Variants in RSRC1 observed in about 807,000 individuals in gnomAD.
RSRC1 encodes arginine and serine rich coiled-coil 1, also known as serine/Arginine-related protein 53.
A neutral mutation model predicts 49.1 loss-of-function variants in RSRC1; 39 were observed. That is an observed-to-expected ratio of 0.79 (90% CI 0.61 to 1.04). The LOEUF (loss-of-function observed/expected upper bound fraction) is 1.04. RSRC1 is among the 50% of genes least tolerant of loss of function. The probability of loss-of-function intolerance (pLI) is 0.00; values close to 1 mark genes in which losing one functional copy is unlikely to be tolerated. For missense variants in RSRC1, 388 were observed against 402.4 expected, an observed-to-expected ratio of 0.96 and a Z score of 0.31; for synonymous variants, 143 against 130.8, an observed-to-expected ratio of 1.09 and a Z score of -0.63.
chr3:158,315,591 T>C (rs1357319953), intron 5 of RSRC1, among the ~76,000 whole-genome samples: 1 of 152,146 alleles, frequency 6.6e-6, no homozygotes, highest in Admixed American at 6.5e-5. Flanking sequence ...TCTAGCTAGA[T>C]TTACAAATTA....
In RSRC1 at chr3:158,539,470, G is replaced by A. The variant is rs963356879; in HGVS notation, c.759+2272G>A. On this transcript the variant is annotated intron_variant, in intron 8 of 9. Coordinates refer to ENST00000611884, the MANE Select transcript of RSRC1 (RefSeq NM_001271838.2). The surrounding 1 kb of genome is among the most constrained non-coding windows in gnomAD (Gnocchi z 4.1). ...AAGATGCAGCTTGTTTTCAAACTTA[G>A]TATGAGTTATTCAACCCTAATGTTG... 1.3e-5 allele frequency among the ~76,000 whole-genome samples: 2 copies of A among 151,998 alleles called. No homozygotes were observed. The highest frequency in any genetic ancestry group is 4.8e-5 in the African/African-American group (2 of 41,402).
At chr3:158,118,413 CTGTG>C (rs57257889) in intron 1 of RSRC1, among the ~76,000 whole-genome samples, 3,654 of 90,000 alleles carry the variant, frequency 0.041, 75 homozygotes, top group South Asian at 0.082. Flanking sequence ...ACCTGGCCTT[CTGTG>C]TGTGTGTGTG....
At chr3:158,260,603 T>G (rs561632574) in intron 4 of RSRC1, among the ~76,000 whole-genome samples, 159 of 152,326 alleles carry the variant, frequency 1.0e-3, no homozygotes, top group Non-Finnish European at 1.8e-3. Flanking sequence ...TCAAGTACTC[T>G]GGCTCTGAGC....
chr3:158,512,541 G>A (rs996824740), intron 7 of RSRC1, among the ~76,000 whole-genome samples: 1 of 152,318 alleles, frequency 6.6e-6, no homozygotes, highest in South Asian at 2.1e-4. Flanking sequence ...TTTGAAGTCA[G>A]GTAGTGTGAT....
intron 4 of RSRC1, among the ~76,000 whole-genome samples, chr3:158,253,980 T>C (rs550639862): frequency 2.6e-5 from 4 of 152,294 alleles, no homozygotes; most frequent in Admixed American, 2.6e-4. Context: ...GTGTTCTCAT[T>C]GTTCAATTCC....
chr3:158,172,638 A>C (rs947017214), intron 3 of RSRC1, among the ~76,000 whole-genome samples: 1 of 152,182 alleles, frequency 6.6e-6, no homozygotes, highest in Non-Finnish European at 1.5e-5. Flanking sequence ...TTCACCAGGG[A>C]ATGTGAACCC....
chr3:158,418,646 A>G (rs868687507), intron 6 of RSRC1, among the ~76,000 whole-genome samples: 1 of 151,980 alleles, frequency 6.6e-6, no homozygotes, highest in South Asian at 2.1e-4. Context: ...AAGAAGGGAT[A>G]TACCGGAATT....
intron 6 of RSRC1, among the ~76,000 whole-genome samples, chr3:158,453,287 C>G (rs755579334): frequency 6.6e-6 from 1 of 151,722 alleles, no homozygotes; most frequent in Admixed American, 6.6e-5. Context: ...GCACACATAT[C>G]TATAGAATAG....
At chr3:158,530,240 T>C (rs913761866) in intron 7 of RSRC1, among the ~76,000 whole-genome samples, 16 of 152,074 alleles carry the variant, frequency 1.1e-4, no homozygotes, top group African/African-American at 3.4e-4. Flanking sequence ...TTGTTTATGC[T>C]GTGCTTCCTG....
chr3:158,137,377 G>A (rs980555342), intron 3 of RSRC1, among the ~76,000 whole-genome samples: 4 of 147,114 alleles, frequency 2.7e-5, no homozygotes, highest in South Asian at 4.3e-4. Context: ...AAGGTTTTAT[G>A]GAGATATATA....
chr3:158,286,952 G>C (rs920557195), intron 4 of RSRC1, among the ~76,000 whole-genome samples: 1 of 152,092 alleles, frequency 6.6e-6, no homozygotes, highest in Non-Finnish European at 1.5e-5. Flanking sequence ...TCAGCCTTCC[G>C]AGTATCTGGG....
chr3:158,496,282 A>G (rs1035235848), intron 7 of RSRC1, among the ~76,000 whole-genome samples: 17 of 152,122 alleles, frequency 1.1e-4, no homozygotes, highest in African/African-American at 4.1e-4. Flanking sequence ...AGGATAGACT[A>G]GTGGTTTTCA....
intron 6 of RSRC1, among the ~76,000 whole-genome samples, chr3:158,456,972 A>G (rs563002500): frequency 6.6e-6 from 1 of 152,298 alleles, no homozygotes; most frequent in South Asian, 2.1e-4. Flanking sequence ...GGCACCCTCA[A>G]GTATTTTTAG....
chr3:158,396,202 G>A (rs1009718812), intron 6 of RSRC1, among the ~76,000 whole-genome samples: 2 of 152,044 alleles, frequency 1.3e-5, no homozygotes, highest in Non-Finnish European at 2.9e-5. Context: ...GCAGAGGTTG[G>A]GAGGAAGGGA....
intron 7 of RSRC1, among the ~76,000 whole-genome samples, chr3:158,497,782 A>G (rs1031988880): frequency 6.6e-6 from 1 of 152,112 alleles, no homozygotes; most frequent in Non-Finnish European, 1.5e-5. Context: ...TAGCTCCCAC[A>G]TATCAGTGAG....
intron 6 of RSRC1, among the ~76,000 whole-genome samples, chr3:158,356,401 A>T (rs149583687): frequency 2.0e-5 from 3 of 152,106 alleles, no homozygotes; most frequent in Non-Finnish European, 4.4e-5. Context: ...TGGGAACTCC[A>T]GTATGATCGG....
At chr3:158,504,080 C>A (rs1485093761) in intron 7 of RSRC1, among the ~76,000 whole-genome samples, 1 of 152,210 alleles carries the variant, frequency 6.6e-6, no homozygotes, top group African/African-American at 2.4e-5. Context: ...GTATTTCACT[C>A]AGCTCTCTAA....
At position 158,228,749 on chromosome 3, in the gene RSRC1, TTATATATGTGTGTGTGTATA is replaced by T. The variant is rs1318448757; in HGVS notation, c.494+25530_494+25549del. Among the ~76,000 whole-genome samples, 77 of 151,558 alleles carry T rather than the reference TTATATATGTGTGTGTGTATA, an allele frequency of 5.1e-4. 4 individuals carry two copies. In the South Asian group the frequency reaches 0.015, roughly 30 times the overall value. On this transcript the variant is annotated intron_variant, in intron 4 of 9. Transcript: ENST00000611884. Reference sequence around the variant, plus strand: ...GTAGATAGTGTTCTAGGGCTGTTGTTTATATATGTGTGTGTGTATATATATATGTGTGTGTGTATATATAT... The same window carrying T: ...GTAGATAGTGTTCTAGGGCTGTTGTTTATATATGTGTGTGTGTATATATAT...
At chr3:158,315,798 T>C (rs1728395725) in intron 5 of RSRC1, among the ~76,000 whole-genome samples, 1 of 152,176 alleles carries the variant, frequency 6.6e-6, no homozygotes, top group Non-Finnish European at 1.5e-5. Context: ...ACTTTAATTT[T>C]GAAAATATTG....
Sources: allele counts gnomAD v4.1 joint callset (sites outside exome capture counted in the v4.1 genomes callset), GRCh38; gene constraint gnomAD v4.1.1; non-coding constraint Gnocchi (gnomAD v3.1); transcripts MANE v1.5; gene names NCBI Gene and HGNC (gene_info 2026-07-23, HGNC 2026-07-21).